Variants in OR51B5 observed in about 807,000 individuals in gnomAD.
The protein encoded by OR51B5 is olfactory receptor family 51 subfamily B member 5.
For synonymous variants in OR51B5, 186 were observed against 144.8 expected, an observed-to-expected ratio of 1.28 and a Z score of -2.04; for missense variants, 456 against 374.6, an observed-to-expected ratio of 1.22 and a Z score of -1.79.
intron 1 of OR51B5, among the ~76,000 whole-genome samples, chr11:5,447,142 G>C (rs2201873): frequency 0.41 from 63,054 of 152,086 alleles, 14,917 homozygotes; most frequent in Non-Finnish European, 0.54. Flanking sequence ...ATAAGAATGA[G>C]GCTAACAAAA....
At chr11:5,373,174 A>T (rs1387603880) in intron 1 of OR51B5, among the ~76,000 whole-genome samples, 1 of 151,400 alleles carries the variant, frequency 6.6e-6, no homozygotes, top group Non-Finnish European at 1.5e-5. Flanking sequence ...AAATAGATTA[A>T]AGACATAAAT....
chr11:5,443,055 G>A (rs761065459), intron 1 of OR51B5, among the ~76,000 whole-genome samples: 3 of 151,434 alleles, frequency 2.0e-5, no homozygotes, highest in Non-Finnish European at 4.4e-5. Flanking sequence ...ATAAACAATA[G>A]TCAGAATGAT....
chr11:5,378,652 G>T (rs1849564839), intron 1 of OR51B5, among the ~76,000 whole-genome samples: 1 of 152,140 alleles, frequency 6.6e-6, no homozygotes, highest in African/African-American at 2.4e-5. Flanking sequence ...GTGGGCAAAG[G>T]ATATGAACAG....
intron 1 of OR51B5, among the ~76,000 whole-genome samples, chr11:5,363,853 T>C (rs980737374): frequency 6.6e-6 from 1 of 152,184 alleles, no homozygotes; most frequent in African/African-American, 2.4e-5. Flanking sequence ...GCAATTATGT[T>C]CCCTAGCTGT....
chr11:5,387,747 ATAGCCACACAC>A (rs1849721124), intron 1 of OR51B5, among the ~76,000 whole-genome samples: 1 of 137,846 alleles, frequency 7.3e-6, no homozygotes, highest in Non-Finnish European at 1.6e-5. Context: ...TTTCCCTAAG[ATAGCCACACAC>A]TTGCCCTCTG....
intron 1 of OR51B5, among the ~76,000 whole-genome samples, chr11:5,467,664 T>C (rs552790837): frequency 9.8e-5 from 15 of 152,364 alleles, no homozygotes; most frequent in African/African-American, 3.1e-4. Flanking sequence ...CTCTGTGAAT[T>C]TGCTGACAGC....
At chr11:5,374,948 G>A (rs1411242148) in intron 1 of OR51B5, among the ~76,000 whole-genome samples, 1 of 151,772 alleles carries the variant, frequency 6.6e-6, no homozygotes, top group Non-Finnish European at 1.5e-5. Flanking sequence ...ATCTAGCAAG[G>A]CAGGCCAACA....
chr11:5,404,853 G>A (rs992102557), intron 1 of OR51B5, among the ~76,000 whole-genome samples: 6 of 152,106 alleles, frequency 3.9e-5, no homozygotes, highest in South Asian at 2.1e-4. Context: ...AAAGGTCTGC[G>A]GCTTTACTCC....
exon 1 of OR51B5, chr11:5,342,603 G>C (rs1397191890): frequency 6.3e-7 from 1 of 1,590,128 alleles, no homozygotes. Context: ...CCAATTCTAT[G>C]GGTAGTAAAA....
At chr11:5,412,631 G>A (rs890698762) in intron 1 of OR51B5, among the ~76,000 whole-genome samples, 28 of 152,224 alleles carry the variant, frequency 1.8e-4, no homozygotes, top group Admixed American at 1.6e-3. Context: ...TGCCCACCAG[G>A]AGATTATATC....
rs547271833 is a variant in OR51B5 at position 5,343,112 on chromosome 11, C to T, written c.413G>A (p.Arg138Gln). The T allele has an allele frequency of 5.3e-5, 85 of 1,612,722 alleles. 3 individuals are homozygous for T. The Middle Eastern group carries it at 1.3e-3, about 25-fold the overall frequency. ...AACTCCCAGCCCAATCTTCACTACT[C>T]GAGTATTAGTAAGTACAGAGGTATA... Residue 138 changes from arginine to glutamine, a missense_variant, in exon 1 of 1, where the codon CGA becomes CAA. Physicochemically the swap from Arg to Gln is conservative, Grantham distance 43 (BLOSUM62 1). Transcript: ENST00000300773.
intron 1 of OR51B5, among the ~76,000 whole-genome samples, chr11:5,364,017 T>C (rs751505886): frequency 2.0e-5 from 3 of 152,154 alleles, no homozygotes; most frequent in Non-Finnish European, 4.4e-5. Context: ...AGTGTAGTGA[T>C]AGATTCACCC....
intron 1 of OR51B5, among the ~76,000 whole-genome samples, chr11:5,504,304 C>T (rs1396622896): frequency 6.6e-6 from 1 of 152,206 alleles, no homozygotes; most frequent in African/African-American, 2.4e-5. Flanking sequence ...TCCACATCAG[C>T]TCTCAGTATT....
chr11:5,475,232 G>A (rs1475780830), intron 1 of OR51B5, among the ~76,000 whole-genome samples: 2 of 152,180 alleles, frequency 1.3e-5, no homozygotes, highest in African/African-American at 2.4e-5. Context: ...CTTTCATCAT[G>A]CTATTTTCAT....
rs1335309180 is a variant in OR51B5, at chr11:5,433,879, T to C, written n.84+71690A>G. On this transcript the variant is annotated intron_variant and non_coding_transcript_variant, in intron 1 of 4. Transcript: ENST00000415970. Reference sequence around the variant, plus strand: ...TATGACTATGGAGACAAGAGCAATGTAATTATGAGAATGATCCTAGGTCCT... The same window carrying C: ...TATGACTATGGAGACAAGAGCAATGCAATTATGAGAATGATCCTAGGTCCT... Among the ~76,000 whole-genome samples, 4 of 152,116 alleles carry C rather than the reference T, an allele frequency of 2.6e-5. No individual in the cohort carries two copies. The South Asian group carries it at 6.2e-4, about 24-fold the overall frequency.
chr11:5,415,324 G>A (rs1263336101), intron 1 of OR51B5, among the ~76,000 whole-genome samples: 3 of 150,662 alleles, frequency 2.0e-5, no homozygotes, highest in Admixed American at 6.6e-5. Context: ...GAGAAAGCAG[G>A]AAAGATCCAA....
exon 1 of OR51B5, chr11:5,342,685 C>G (rs552818633): frequency 4.3e-6 from 7 of 1,613,890 alleles, no homozygotes; most frequent in South Asian, 3.3e-5. Flanking sequence ...GTGGAGGGAA[C>G]AGAAAATAGG....
chr11:5,505,590 C>A, exon 1 of OR51B5: 1 of 786,898 alleles, frequency 1.3e-6, no homozygotes, highest in Non-Finnish European at 1.7e-6. Context: ...GCTGGGGAGG[C>A]CTCACAACCA....
intron 1 of OR51B5, chr11:5,390,076 C>T (rs768874760): frequency 1.4e-5 from 23 of 1,613,692 alleles, no homozygotes; most frequent in East Asian, 4.5e-5. Context: ...TGGTGCTCAT[C>T]GCACTGTCCT....
Sources: gnomAD v4.1 joint callset for allele counts (sites outside exome capture counted in the v4.1 genomes callset) on GRCh38, gnomAD v4.1.1 for gene constraint, MANE v1.5 for transcripts, NCBI Gene and HGNC (gene_info 2026-07-23, HGNC 2026-07-21) for gene names.